The following RPAP3 variants were observed in gnomAD, a reference collection of about 807,000 sequenced individuals.
RPAP3 encodes the protein RNA polymerase II-associated protein 3.
In RPAP3, 58 loss-of-function variants were observed where a neutral mutation model predicts 88.8. The ratio of observed to expected loss-of-function variants is 0.65; its 90% CI spans 0.53 to 0.81. The LOEUF is 0.81. Ranked by LOEUF, RPAP3 falls within the 40% of genes least tolerant of loss-of-function variation. RPAP3 has a pLI of 0.00. For missense variants in RPAP3, 751 were observed against 764.3 expected, an observed-to-expected ratio of 0.98 and a Z score of 0.20; for synonymous variants, 255 against 259.9, an observed-to-expected ratio of 0.98 and a Z score of 0.18.
rs567025650 is a variant in RPAP3 at position 47,686,878 on chromosome 12, A to G, written c.894T>C (p.Tyr298=). 151 of 1,602,224 alleles carry G rather than the reference A, an allele frequency of 9.4e-5. 4 individuals carry two copies. In the South Asian group the frequency reaches 1.5e-3, roughly 16 times the overall value. ...GAGTATAGCATTCAATTGCTCTTTC[A>G]TATTTCCCCTCTTTGAAAAATCCAT... The part of the protein sequence containing the change: ...RGNGFFKEGK[Y]ERAIECYTRG... Residue 298 remains tyrosine, a synonymous_variant, in exon 9 of 17, where the codon TAT becomes TAC. Coordinates refer to ENST00000005386, the MANE Select transcript of RPAP3 (RefSeq NM_024604.3).
intron 5 of RPAP3, among the ~76,000 whole-genome samples, chr12:47,695,549 G>A (rs1038737294): frequency 2.0e-5 from 3 of 152,012 alleles, no homozygotes; most frequent in African/African-American, 7.2e-5. Flanking sequence ...TGAGAGGGGT[G>A]CTTTATAGGC....
chr12:47,682,941 T>C (rs997890863), intron 9 of RPAP3, among the ~76,000 whole-genome samples: 4 of 152,168 alleles, frequency 2.6e-5, no homozygotes, highest in African/African-American at 7.2e-5. Flanking sequence ...TAAAGTCCAA[T>C]TCCTTTGGAG....
intron 1 of RPAP3, among the ~76,000 whole-genome samples, chr12:47,703,847 A>G (rs1939707065): frequency 6.6e-6 from 1 of 152,234 alleles, no homozygotes; most frequent in Non-Finnish European, 1.5e-5. Context: ...ATGACTGACT[A>G]GACTGAGGTG....
rs771787826 is a variant in RPAP3 at position 47,697,617 on chromosome 12, C to G, written c.397G>C (p.Ala133Pro). 1 of 1,608,490 alleles carries G rather than the reference C, an allele frequency of 6.2e-7. No homozygotes were observed. The highest frequency in any genetic ancestry group is 8.5e-7 in the Non-Finnish European group (1 of 1,178,206). Residue 133 changes from alanine (A) to proline (P), a missense_variant, in exon 4 of 17, where the codon GCT (alanine) becomes CCT (proline). Physicochemically the swap from Ala to Pro is conservative, Grantham distance 27 (BLOSUM62 -1). Coordinates refer to ENST00000005386, the MANE Select transcript of RPAP3 (RefSeq NM_024604.3). ...EDGIHVDSQKALVLKEKGNKY... is the reference protein window; with the variant it reads ...EDGIHVDSQKPLVLKEKGNKY... ...AGTACCTTTTCTTTTAAAACAAGAG[C>G]CTTTTGTGAATCTACATGAATCCCA...
chr12:47,690,095 T>G (rs1200481653), intron 6 of RPAP3, among the ~76,000 whole-genome samples: 1 of 148,838 alleles, frequency 6.7e-6, no homozygotes, highest in African/African-American at 2.5e-5. Context: ...TCCAATTAAA[T>G]ATCAGCTTTA....
Position 47,663,160 on chromosome 12 carries a change from G to C in RPAP3, c.*345C>G, listed in dbSNP as rs1488801490. ...TAATTATTCATATGCTAATGAAGCAGCTTTGGCAAGTGGTTACAAAAACTC... is the reference window on the plus strand; with the variant it reads ...TAATTATTCATATGCTAATGAAGCACCTTTGGCAAGTGGTTACAAAAACTC... On this transcript the variant is annotated 3_prime_UTR_variant, in exon 17 of 17. Transcript: ENST00000005386. 2 of 168,624 alleles carry C rather than the reference G, an allele frequency of 1.2e-5. No homozygotes were observed. The highest frequency in any genetic ancestry group is 2.5e-3 in the Middle Eastern group (1 of 394). The allele number at this position is 168,624 out of a possible 1,614,324, so 10.4% of individuals were successfully genotyped here.
chr12:47,691,108 T>C (rs767978148), intron 5 of RPAP3, among the ~76,000 whole-genome samples: 53 of 152,244 alleles, frequency 3.5e-4, no homozygotes, highest in Non-Finnish European at 6.5e-4. Flanking sequence ...GGTGGTAGCA[T>C]GTGATGCTAT....
intron 5 of RPAP3, among the ~76,000 whole-genome samples, chr12:47,694,917 A>G (rs1939494481): frequency 6.6e-6 from 1 of 152,218 alleles, no homozygotes. Flanking sequence ...TACACTGCTA[A>G]TGAGAATGTA....
chr12:47,696,483 G>C, intron 4 of RPAP3, 80 bp from the exon 5 acceptor site: 1 of 920,750 alleles, frequency 1.1e-6, no homozygotes, highest in Non-Finnish European at 1.6e-6. Context: ...ACCCAGGTTT[G>C]AAGTGCATGG....
intron 9 of RPAP3, among the ~76,000 whole-genome samples, chr12:47,685,106 C>T (rs771980098): frequency 5.9e-5 from 9 of 152,126 alleles, no homozygotes; most frequent in Non-Finnish European, 1.2e-4. Context: ...TGGCCGGGCG[C>T]GGTGGCTCCT....
chr12:47,670,753 C>T (rs1185109290), intron 12 of RPAP3, among the ~76,000 whole-genome samples: 1 of 152,092 alleles, frequency 6.6e-6, no homozygotes, highest in South Asian at 2.1e-4. Context: ...GTGCACGGCA[C>T]GGCATGGTGG....
Position 47,661,637 on chromosome 12 carries a change from T to C in RPAP3, c.*1868A>G, listed in dbSNP as rs549028535. On this transcript the variant is annotated 3_prime_UTR_variant, in exon 17 of 17. Coordinates refer to ENST00000005386, the MANE Select transcript of RPAP3 (RefSeq NM_024604.3). ...GAAATTTTTTAAAATTCAAATTCTA[T>C]AGTAAATCTTGTGATCTGTACTTCT... 3.9e-5 allele frequency: 6 copies of C among 152,346 alleles called. No individual in the cohort carries two copies. The highest frequency in any genetic ancestry group is 2.1e-4 in the South Asian group (1 of 4,828). 9.4% of individuals were successfully genotyped at this position (152,346 alleles called of 1,614,324 possible). A position where few individuals can be genotyped will look rare whatever the true frequency, so the allele number is the denominator to read the frequency against.
chr12:47,679,117 G>A (rs1310040006), intron 12 of RPAP3, among the ~76,000 whole-genome samples: 8 of 152,174 alleles, frequency 5.3e-5, no homozygotes, highest in Non-Finnish European at 7.3e-5. Flanking sequence ...GATGAAGCTG[G>A]AAACCATCAT....
In RPAP3 at chr12:47,666,979, C is replaced by T. The variant is rs760133852; in HGVS notation, c.1912+1G>A. On this transcript the variant is annotated splice_donor_variant, in intron 16 of 16. Coordinates refer to ENST00000005386, the MANE Select transcript of RPAP3 (RefSeq NM_024604.3). LOFTEE classifies it high-confidence loss of function. ...CATGGGAAAACTTTCATAGAACTTA[C>T]TCTTTTTCTCTGTTTCTGACATAAA... The T allele has an allele frequency of 3.4e-6, 5 of 1,487,014 alleles. No individual in the cohort carries two copies. Among genetic ancestry groups the T allele is most frequent in the Non-Finnish European group, 4.5e-6 (5 of 1,108,564 alleles). 92.1% of individuals were successfully genotyped at this position (1,487,014 alleles called of 1,614,324 possible). A position where few individuals can be genotyped will look rare whatever the true frequency, so the allele number is the denominator to read the frequency against.
intron 12 of RPAP3, among the ~76,000 whole-genome samples, chr12:47,676,431 C>A (rs1395977134): frequency 6.6e-6 from 1 of 152,084 alleles, no homozygotes; most frequent in Non-Finnish European, 1.5e-5. Flanking sequence ...ACAAAAAAAA[C>A]CCTTCAAAAC....
At position 47,662,416 on chromosome 12, in the gene RPAP3, T is replaced by C. The variant is rs936640740; in HGVS notation, c.*1089A>G. Reference sequence around the variant, plus strand: ...ATTATCTTTGTAAATAAATTATGATTACTTCTCAAACAATTCATAAGAATA... The same window carrying C: ...ATTATCTTTGTAAATAAATTATGATCACTTCTCAAACAATTCATAAGAATA... On this transcript the variant is annotated 3_prime_UTR_variant, in exon 17 of 17. Transcript: ENST00000005386. The C allele has an allele frequency of 1.3e-5, 2 of 152,210 alleles. No homozygotes were observed. The highest frequency in any genetic ancestry group is 2.9e-5 in the Non-Finnish European group (2 of 68,042). 9.4% of individuals were successfully genotyped at this position (152,210 alleles called of 1,614,324 possible).
chr12:47,672,912 G>A lies in RPAP3; in HGVS notation c.1288-2567C>T, dbSNP rs938848348. 1.2e-4 allele frequency among the ~76,000 whole-genome samples: 19 copies of A among 152,124 alleles called. 1 individual carries two copies. The highest frequency in any genetic ancestry group is 3.4e-4 in the African/African-American group (14 of 41,438). Reference sequence around the variant, plus strand: ...AGTCATGGGATATTACACATATCACGTGGCAATGTCTTTATAATTATGGAC... The same window carrying A: ...AGTCATGGGATATTACACATATCACATGGCAATGTCTTTATAATTATGGAC... On this transcript the variant is annotated intron_variant, in intron 12 of 16. Transcript: ENST00000005386.
intron 3 of RPAP3, among the ~76,000 whole-genome samples, chr12:47,700,797 C>A (rs1592488582): frequency 6.6e-6 from 1 of 152,186 alleles, no homozygotes; most frequent in Non-Finnish European, 1.5e-5. Flanking sequence ...CTATGTTTAT[C>A]GTCACACAGC....
At chr12:47,693,563 G>T (rs1939468245) in intron 5 of RPAP3, among the ~76,000 whole-genome samples, 1 of 152,166 alleles carries the variant, frequency 6.6e-6, no homozygotes, top group Admixed American at 6.5e-5. Context: ...ACGCAATAAA[G>T]CGACACACAA....
Sources: gnomAD v4.1 joint callset for allele counts (sites outside exome capture counted in the v4.1 genomes callset) on GRCh38, gnomAD v4.1.1 for gene constraint, MANE v1.5 for transcripts, NCBI Gene and HGNC (gene_info 2026-07-23, HGNC 2026-07-21) for gene names.